SPATA18: variants seen among roughly 807,000 people sequenced by gnomAD.
SPATA18 encodes mitochondria-eating protein.
SPATA18 carries 54 observed loss-of-function variants against 68.1 expected under a neutral mutation model. That is an observed-to-expected ratio of 0.79 (90% CI 0.64 to 0.99). The LOEUF is 0.99. Ranked by LOEUF, SPATA18 falls within the 50% of genes least tolerant of loss-of-function variation. SPATA18 has a pLI of 0.00. For missense variants in SPATA18, 724 were observed against 681.1 expected, an observed-to-expected ratio of 1.06 and a Z score of -0.70; for synonymous variants, 242 against 244.8, an observed-to-expected ratio of 0.99 and a Z score of 0.11.
chr4:52,077,162 A>G, intron 7 of SPATA18, 122 bp downstream of exon 7: 1 of 1,066,998 alleles, frequency 9.4e-7, no homozygotes, highest in Non-Finnish European at 1.3e-6. Context: ...GGGAGATTCC[A>G]GTCTCCCCAT....
At chr4:52,079,097 G>C (rs993489234) in intron 8 of SPATA18, among the ~76,000 whole-genome samples, 75 of 152,252 alleles carry the variant, frequency 4.9e-4, no homozygotes, top group African/African-American at 1.8e-3. Context: ...AAAAATGTCT[G>C]AGTTTCTTTA....
At chr4:52,092,911 C>G (rs1742107425) in intron 11 of SPATA18, among the ~76,000 whole-genome samples, 1 of 152,126 alleles carries the variant, frequency 6.6e-6, no homozygotes, top group Admixed American at 6.6e-5. Flanking sequence ...AACCAAATAC[C>G]TTTCTCACTT....
rs371743928 is a variant in SPATA18, at chr4:52,068,486, G to A, written c.423-1335G>A. The stretch of plus-strand genomic sequence containing the variant: ...GAGAAGGGGAAACAAAGTTTTCTTG[G>A]GAGAATTGGGGATACTATGTGGAAG... On this transcript the variant is annotated intron_variant, in intron 4 of 12. Coordinates refer to ENST00000295213, the MANE Select transcript of SPATA18 (RefSeq NM_145263.4). Among the ~76,000 whole-genome samples the A allele has an allele frequency of 1.2e-4, 18 of 152,348 alleles. No individual in the cohort carries two copies. The South Asian group carries it at 3.1e-3, about 26-fold the overall frequency.
chr4:52,056,410 G>A (rs939313606), intron 1 of SPATA18, among the ~76,000 whole-genome samples: 1 of 152,172 alleles, frequency 6.6e-6, no homozygotes, highest in Non-Finnish European at 1.5e-5. Context: ...GATGATGATG[G>A]CATCCCATTT....
At chr4:52,088,488 C>G (rs7666832) in intron 11 of SPATA18, among the ~76,000 whole-genome samples, 94,353 of 151,472 alleles carry the variant, frequency 0.62, 34,125 homozygotes, top group Non-Finnish European at 0.81. Flanking sequence ...AGCATGAAGG[C>G]GTGTGGAATT....
rs112964661 is a variant in SPATA18, at chr4:52,058,655, C to T, written c.88-1764C>T. Among the ~76,000 whole-genome samples the T allele has an allele frequency of 3.8e-4, 58 of 152,254 alleles. 2 individuals are homozygous for T. The highest frequency in any genetic ancestry group is 1.3e-3 in the African/African-American group (53 of 41,552). On this transcript the variant is annotated intron_variant, in intron 1 of 12. Coordinates refer to ENST00000295213, the MANE Select transcript of SPATA18 (RefSeq NM_145263.4). ...TTATAACCCAGGAATACTCAAGGGT[C>T]CCCTCCACAGAGAAGCCTTCCCTGG...
chr4:52,053,516 A>G (rs188434549), intron 1 of SPATA18, among the ~76,000 whole-genome samples: 42 of 152,246 alleles, frequency 2.8e-4, no homozygotes, highest in Non-Finnish European at 5.1e-4. Context: ...TCTTATTTCT[A>G]TAGGATGTGT....
intron 10 of SPATA18, chr4:52,083,012 C>T: frequency 1.0e-6 from 1 of 985,324 alleles, no homozygotes; most frequent in Non-Finnish European, 1.2e-6. Flanking sequence ...AGGAACCAAT[C>T]AGTTTGGGAA....
chr4:52,070,951 G>T (rs1739786616), intron 5 of SPATA18, among the ~76,000 whole-genome samples: 1 of 151,564 alleles, frequency 6.6e-6, no homozygotes, highest in African/African-American at 2.4e-5. Context: ...GTGTTCCAAT[G>T]GTTCTGATTT....
chr4:52,096,761 C>A lies in SPATA18; in HGVS notation c.*1874C>A, dbSNP rs201852125. 3.1e-4 allele frequency: 45 copies of A among 145,134 alleles called. No homozygotes were observed. The highest frequency in any genetic ancestry group is 7.4e-4 in the African/African-American group (28 of 37,666). The allele number at this position is 145,134 out of a possible 1,614,324, so 9.0% of individuals were successfully genotyped here. ...GGGCAATTCTTGTTAATGTTTTAAACAAAAAAAAAAAAACCTTACAGTCTT... is the reference window on the plus strand; with the variant it reads ...GGGCAATTCTTGTTAATGTTTTAAAAAAAAAAAAAAAAACCTTACAGTCTT... On this transcript the variant is annotated 3_prime_UTR_variant, in exon 13 of 13. Transcript: ENST00000295213.
intron 1 of SPATA18, among the ~76,000 whole-genome samples, chr4:52,056,741 G>A (rs1050290631): frequency 3.9e-5 from 6 of 152,128 alleles, no homozygotes; most frequent in African/African-American, 1.4e-4. Context: ...CTCTCAGCTA[G>A]ATGGTTATAC....
intron 11 of SPATA18, among the ~76,000 whole-genome samples, chr4:52,093,937 G>C (rs1022260675): frequency 2.0e-5 from 3 of 152,154 alleles, no homozygotes; most frequent in Non-Finnish European, 4.4e-5. Flanking sequence ...TGGTTAGTTG[G>C]GTTTATTTTT....
At chr4:52,062,567 C>G (rs968571619) in intron 4 of SPATA18, among the ~76,000 whole-genome samples, 2 of 151,946 alleles carry the variant, frequency 1.3e-5, no homozygotes, top group Non-Finnish European at 2.9e-5. Flanking sequence ...TATTATGATA[C>G]ATGGTCCCCT....
At position 52,084,931 on chromosome 4, in the gene SPATA18, T is replaced by G; in HGVS notation, c.1495T>G (p.Ser499Ala). 1 of 1,614,060 alleles carries G rather than the reference T, an allele frequency of 6.2e-7. No individual in the cohort carries two copies. Among genetic ancestry groups the G allele is most frequent in the Non-Finnish European group, 8.5e-7 (1 of 1,179,940 alleles). Residue 499 changes from serine (S) to alanine (A), a missense_variant, in exon 11 of 13, where the codon TCT becomes GCT. Physicochemically the swap from Ser to Ala is moderately conservative, Grantham distance 99. Transcript: ENST00000295213. Reference protein sequence around the residue: ...RRGAFWNSVRSVSRCRSRSLS... With the variant: ...RRGAFWNSVRAVSRCRSRSLS... ...CTTTTTTAAGTGGAATTCGGTGCGA[T>G]CTGTAAGTCGTTGTCGAAGCAGGAG...
In SPATA18 at chr4:52,076,888, C is replaced by T. The variant is rs999831483; in HGVS notation, c.868C>T (p.Arg290Cys). 5 of 1,614,088 alleles carry T rather than the reference C, an allele frequency of 3.1e-6. No homozygotes were observed. The highest frequency in any genetic ancestry group is 2.2e-5 in the East Asian group (1 of 44,878). The change falls in exon 7 of 13, where the codon CGC becomes TGC. Residue 290 changes from arginine (R) to cysteine (C), a missense_variant. Arg to Cys is a radical substitution (Grantham distance 180). Coordinates refer to ENST00000295213, the MANE Select transcript of SPATA18 (RefSeq NM_145263.4). ...AVKVRRPSPNRSKLSNVARKA... is the reference protein window; with the variant it reads ...AVKVRRPSPNCSKLSNVARKA... ...CAAGGTCAGGAGACCGTCCCCAAAC[C>T]GCTCCAAGCTGTCCAATGTGGCGCG...
intron 6 of SPATA18, among the ~76,000 whole-genome samples, chr4:52,075,112 C>A: frequency 6.6e-6 from 1 of 152,056 alleles, no homozygotes; most frequent in East Asian, 1.9e-4. Context: ...AAAGAAGTGC[C>A]CCTCTGTCAC....
intron 5 of SPATA18, among the ~76,000 whole-genome samples, chr4:52,070,258 T>C (rs904399614): frequency 3.3e-5 from 5 of 152,108 alleles, no homozygotes; most frequent in African/African-American, 1.2e-4. Flanking sequence ...ACTTTTCACC[T>C]GACATTGTTT....
intron 1 of SPATA18, among the ~76,000 whole-genome samples, chr4:52,056,506 A>G (rs1232910671): frequency 2.0e-5 from 3 of 152,106 alleles, no homozygotes; most frequent in African/African-American, 7.2e-5. Context: ...GTGATCAGTA[A>G]TTATTAGGTA....
At chr4:52,087,977 G>A (rs1465512386) in intron 11 of SPATA18, among the ~76,000 whole-genome samples, 1 of 152,046 alleles carries the variant, frequency 6.6e-6, no homozygotes, top group African/African-American at 2.4e-5. Flanking sequence ...TCCTTGAAGG[G>A]GTCCTTCACA....
Sources: allele counts gnomAD v4.1 joint callset (sites outside exome capture counted in the v4.1 genomes callset), GRCh38; gene constraint gnomAD v4.1.1; transcripts MANE v1.5; gene names NCBI Gene and HGNC (gene_info 2026-07-23, HGNC 2026-07-21).